EMP3: variants seen among roughly 807,000 people sequenced by gnomAD.
EMP3 encodes the protein epithelial membrane protein 3 (MAM blood group).
In EMP3, 15 loss-of-function variants were observed where a neutral mutation model predicts 21.6. The observed-to-expected ratio is 0.69, with a 90% CI of 0.46 to 1.07. The LOEUF is 1.07. EMP3 is among the 50% of genes least tolerant of loss of function. EMP3 has a pLI of 0.00. For missense variants in EMP3, 183 were observed against 206.6 expected, an observed-to-expected ratio of 0.89 and a Z score of 0.70; for synonymous variants, 107 against 86.1, an observed-to-expected ratio of 1.24 and a Z score of -1.34.
At position 48,330,288 on chromosome 19, in the gene EMP3, T is replaced by A. The variant is rs61764023; in HGVS notation, c.323-13T>A. 338 of 1,572,566 alleles carry A rather than the reference T, an allele frequency of 2.1e-4. No individual in the cohort carries two copies. The East Asian group carries it at 7.0e-3, about 32-fold the overall frequency. On this transcript the variant is annotated splice_polypyrimidine_tract_variant and intron_variant, in intron 4 of 4. Transcript: ENST00000270221. ...GGGGGCACTGCATGACGTGTGGTTT[T>A]CATCTTCCGCAGGCGTGGCGGTGTT... is the stretch of plus-strand genomic sequence containing the variant.
At chr19:48,326,597 T>A (rs1367664834) in intron 1 of EMP3, among the ~76,000 whole-genome samples, 2 of 151,884 alleles carry the variant, frequency 1.3e-5, no homozygotes, top group African/African-American at 4.8e-5. Context: ...TTCCAGTGAT[T>A]CTCCTGCCTC....
chr19:48,330,267 G>A (rs1420560128), intron 4 of EMP3, 34 bp from the exon 5 acceptor site: 2 of 1,533,966 alleles, frequency 1.3e-6, no homozygotes, highest in Non-Finnish European at 8.8e-7. Context: ...TCTTGAGGGG[G>A]CACTGCATGA....
Position 48,329,468 on chromosome 19 carries a change from A to T in EMP3, c.298A>T (p.Thr100Ser). Residue 100 changes from threonine to serine, a missense_variant, in exon 4 of 5, where the codon ACC becomes TCC. Physicochemically the swap from Thr to Ser is moderately conservative, Grantham distance 58. Coordinates refer to ENST00000270221, the MANE Select transcript of EMP3 (RefSeq NM_001425.3). This position sits in a 1 kb window ranked among gnomAD's most constrained non-coding sequence, Gnocchi z 4.5. Reference sequence around the variant, plus strand: ...GCGACGAGGAGGTCTCTTCTATGCCACCGGCCTCTGCCAGCTTTGCACCAG... The same window carrying T: ...GCGACGAGGAGGTCTCTTCTATGCCTCCGGCCTCTGCCAGCTTTGCACCAG... ...TMRRGGLFYA[T>S]GLCQLCTSVA... is the part of the protein sequence containing the mutation. 6.2e-7 allele frequency: 1 copy of T among 1,614,068 alleles called. No individual in the cohort carries two copies. Among genetic ancestry groups the T allele is most frequent in the South Asian group, 1.1e-5 (1 of 91,070 alleles).
intron 3 of EMP3, among the ~76,000 whole-genome samples, chr19:48,327,965 G>A (rs1007440286): frequency 1.3e-5 from 2 of 151,848 alleles, no homozygotes; most frequent in African/African-American, 2.4e-5. Flanking sequence ...GTGCCACCAC[G>A]CCTGGCTAAT....
At position 48,329,190 on chromosome 19, in the gene EMP3, A is replaced by G; in HGVS notation, c.182-162A>G. ...TGAGAAGGGAATATAGCAAGGTAAC[A>G]GGGCTCAAGGTCAAAATAAGTGATA... On this transcript the variant is annotated intron_variant, in intron 3 of 4. Transcript: ENST00000270221. This position sits in a 1 kb window ranked among gnomAD's most constrained non-coding sequence, Gnocchi z 4.5. The G allele has an allele frequency of 3.8e-6, 3 of 798,556 alleles. No homozygotes were observed. The highest frequency in any genetic ancestry group is 5.9e-6 in the Non-Finnish European group (3 of 512,374). The allele number at this position is 798,556 out of a possible 1,614,324, so 49.5% of individuals were successfully genotyped here.
rs564907309 is a variant in EMP3, at chr19:48,330,462, C to A, written c.484C>A (p.Arg162=). The A allele has an allele frequency of 5.7e-6, 9 of 1,579,312 alleles. No individual in the cohort carries two copies. The Admixed American group carries it at 7.4e-5, about 13-fold the overall frequency. The change falls in exon 5 of 5, where the codon CGG becomes AGG. Residue 162 remains arginine (R), a synonymous_variant. Coordinates refer to ENST00000270221, the MANE Select transcript of EMP3 (RefSeq NM_001425.3). ...SGIIYIHLRK[R]E ...CATCATCTACATCCACCTACGGAAGCGGGAGTGAGCGCCCCGCCTCGCTCG... is the reference window on the plus strand; with the variant it reads ...CATCATCTACATCCACCTACGGAAGAGGGAGTGAGCGCCCCGCCTCGCTCG...
chr19:48,329,458 C>G lies in EMP3; in HGVS notation c.288C>G (p.Leu96=). 3.7e-6 allele frequency: 6 copies of G among 1,614,156 alleles called. No homozygotes were observed. The highest frequency in any genetic ancestry group is 5.1e-6 in the Non-Finnish European group (6 of 1,180,014). Residue 96 remains leucine (L), a synonymous_variant, in exon 4 of 5, where the codon CTC becomes CTG. Coordinates refer to ENST00000270221, the MANE Select transcript of EMP3 (RefSeq NM_001425.3). The surrounding 1 kb of genome is among the most constrained non-coding windows in gnomAD (Gnocchi z 4.5). The part of the protein sequence containing the change: ...FQLYTMRRGG[L]FYATGLCQLC... ...TCTACACCATGCGACGAGGAGGTCTCTTCTATGCCACCGGCCTCTGCCAGC... is the reference window on the plus strand; with the variant it reads ...TCTACACCATGCGACGAGGAGGTCTGTTCTATGCCACCGGCCTCTGCCAGC...
intron 2 of EMP3, 138 bp downstream of exon 2, chr19:48,327,060 T>A: frequency 1.3e-6 from 1 of 775,402 alleles, no homozygotes; most frequent in Non-Finnish European, 2.1e-6. Context: ...GAGACAAGGG[T>A]CTCACTCTGT....
Position 48,329,255 on chromosome 19 carries a change from A to T in EMP3, c.182-97A>T. On this transcript the variant is annotated intron_variant, in intron 3 of 4. Coordinates refer to ENST00000270221, the MANE Select transcript of EMP3 (RefSeq NM_001425.3). This position sits in a 1 kb window ranked among gnomAD's most constrained non-coding sequence, Gnocchi z 4.5. ...GGCTTGTATGGGCCTAAACGGGAGC[A>T]GGGATGGGGCAGAGAAGGGTCACAT... is the stretch of plus-strand genomic sequence containing the variant. 1 of 1,497,184 alleles carries T rather than the reference A, an allele frequency of 6.7e-7. No homozygotes were observed. The highest frequency in any genetic ancestry group is 1.8e-4 in the Middle Eastern group (1 of 5,616). 92.7% of individuals were successfully genotyped at this position (1,497,184 alleles called of 1,614,324 possible). A position where few individuals can be genotyped will look rare whatever the true frequency, so the allele number is the denominator to read the frequency against.
chr19:48,329,559 G>A lies in EMP3; in HGVS notation c.322+67G>A, dbSNP rs1423445181. 7.6e-6 allele frequency: 12 copies of A among 1,578,614 alleles called. No homozygotes were observed. Among genetic ancestry groups the A allele is most frequent in the Non-Finnish European group, 1.0e-5 (12 of 1,158,896 alleles). ...AGCAGAAGGGAGTGGGGTGTGTCAA[G>A]ATGCTGGGGGCCCTGAGAATGGGCC... On this transcript the variant is annotated intron_variant, in intron 4 of 4. Coordinates refer to ENST00000270221, the MANE Select transcript of EMP3 (RefSeq NM_001425.3). This position sits in a 1 kb window ranked among gnomAD's most constrained non-coding sequence, Gnocchi z 4.5.
chr19:48,330,181 A>C (rs1001354085), intron 4 of EMP3, 120 bp from the exon 5 acceptor site: 1 of 1,401,770 alleles, frequency 7.1e-7, no homozygotes, highest in East Asian at 2.7e-5. Context: ...AAAGAACCAC[A>C]ACTCCCAGCA....
At position 48,330,452 on chromosome 19, in the gene EMP3, C is replaced by T. The variant is rs1342865815; in HGVS notation, c.474C>T (p.His158=). 1 of 1,587,256 alleles carries T rather than the reference C, an allele frequency of 6.3e-7. No individual in the cohort carries two copies. The highest frequency in any genetic ancestry group is 1.4e-5 in the African/African-American group (1 of 72,870). ...LALVSGIIYI[H]LRKRE ...TGGTCAGCGGCATCATCTACATCCACCTACGGAAGCGGGAGTGAGCGCCCC... is the reference window on the plus strand; with the variant it reads ...TGGTCAGCGGCATCATCTACATCCATCTACGGAAGCGGGAGTGAGCGCCCC... Residue 158 remains histidine, a synonymous_variant, in exon 5 of 5, where the codon CAC becomes CAT. Transcript: ENST00000270221.
At chr19:48,326,772 G>C in intron 1 of EMP3, 58 bp from the exon 2 acceptor site, 1 of 1,442,036 alleles carries the variant, frequency 6.9e-7, no homozygotes, top group Non-Finnish European at 9.8e-7. Flanking sequence ...TTATAGGCGT[G>C]AGTGTGCCTG....
At chr19:48,330,279 G>A in intron 4 of EMP3, 22 bp from the exon 5 acceptor site, 1 of 1,564,806 alleles carries the variant, frequency 6.4e-7, no homozygotes, top group Non-Finnish European at 8.7e-7. Context: ...ACTGCATGAC[G>A]TGTGGTTTTC....
At chr19:48,328,913 G>C (rs1245380159) in intron 3 of EMP3, among the ~76,000 whole-genome samples, 1 of 152,140 alleles carries the variant, frequency 6.6e-6, no homozygotes, top group Non-Finnish European at 1.5e-5. Flanking sequence ...CTTAAGCCCA[G>C]GAGTTCAAGA....
Position 48,329,587 on chromosome 19 carries a change from T to G in EMP3, c.322+95T>G. ...GCTGGGGGCCCTGAGAATGGGCCTC[T>G]CGTAGAAAAAAACAACTTTCAACAC... On this transcript the variant is annotated intron_variant, in intron 4 of 4. Coordinates refer to ENST00000270221, the MANE Select transcript of EMP3 (RefSeq NM_001425.3). The surrounding 1 kb of genome is among the most constrained non-coding windows in gnomAD (Gnocchi z 4.5). The G allele has an allele frequency of 6.6e-7, 1 of 1,510,808 alleles. No individual in the cohort carries two copies. Among genetic ancestry groups the G allele is most frequent in the Non-Finnish European group, 8.9e-7 (1 of 1,120,460 alleles). The allele number at this position is 1,510,808 out of a possible 1,614,324, so 93.6% of individuals were successfully genotyped here.
At position 48,330,481 on chromosome 19, in the gene EMP3, T is replaced by A; in HGVS notation, c.*11T>A. 4 of 1,573,236 alleles carry A rather than the reference T, an allele frequency of 2.5e-6. No homozygotes were observed. Among genetic ancestry groups the A allele is most frequent in the Non-Finnish European group, 1.7e-6 (2 of 1,165,322 alleles). ...CGGAAGCGGGAGTGAGCGCCCCGCC[T>A]CGCTCGGCTGCCCCCGCCCCTTCCC... On this transcript the variant is annotated 3_prime_UTR_variant, in exon 5 of 5. Coordinates refer to ENST00000270221, the MANE Select transcript of EMP3 (RefSeq NM_001425.3).
rs1969140229 is a variant in EMP3, at chr19:48,327,441, A to T, written c.79-80A>T. The T allele has an allele frequency of 6.0e-5, 63 of 1,044,982 alleles. No homozygotes were observed. The South Asian group carries it at 7.8e-4, about 13-fold the overall frequency. The allele number at this position is 1,044,982 out of a possible 1,614,324, so 64.7% of individuals were successfully genotyped here. On this transcript the variant is annotated intron_variant, in intron 2 of 4. Transcript: ENST00000270221. The stretch of plus-strand genomic sequence containing the variant: ...ATCCCAGATACCCTGCCCTTTTCCC[A>T]GCCCTTCCCACAGTCTGCCTGACCC...
intron 3 of EMP3, chr19:48,327,842 T>C (rs1969149787): frequency 2.0e-6 from 1 of 505,266 alleles, no homozygotes. Context: ...AGTTTTCCTC[T>C]GGTTGCCCAG....
Sources: gnomAD v4.1 joint callset for allele counts (sites outside exome capture counted in the v4.1 genomes callset) on GRCh38, gnomAD v4.1.1 for gene constraint, Gnocchi (gnomAD v3.1) non-coding constraint, MANE v1.5 for transcripts, NCBI Gene and HGNC (gene_info 2026-07-23, HGNC 2026-07-21) for gene names.